Variants in PJA2 observed in about 807,000 individuals in gnomAD.
The protein encoded by PJA2 is praja ring finger ubiquitin ligase 2, also known as E3 ubiquitin-protein ligase Praja-2.
Under a neutral mutation model 69.3 loss-of-function variants are expected in PJA2, and 25 were observed. The observed-to-expected ratio is 0.36, with a 90% CI of 0.26 to 0.50. The LOEUF (loss-of-function observed/expected upper bound fraction) is 0.50, where lower values mean the gene tolerates loss of function less well. Among genes scored for constraint, PJA2 ranks in the 20% least tolerant of loss-of-function variants. The probability of loss-of-function intolerance (pLI) is 0.96; values close to 1 mark genes in which losing one functional copy is unlikely to be tolerated. For synonymous variants in PJA2, 308 were observed against 277.8 expected (o/e 1.11, Z -1.08); for missense variants, 809 against 830.2 (o/e 0.97, Z 0.31).
At chr5:109,340,603 T>A in intron 9 of PJA2, among the ~76,000 whole-genome samples, 1 of 126,964 alleles carries the variant, frequency 7.9e-6, no homozygotes, top group Non-Finnish European at 1.6e-5. Context: ...CAAATATGCT[T>A]AAGATTTATT....
chr5:109,341,567 C>T (rs1442341366), intron 9 of PJA2, among the ~76,000 whole-genome samples: 3 of 142,646 alleles, frequency 2.1e-5, no homozygotes, highest in African/African-American at 7.9e-5. Context: ...GTCAGCCCCC[C>T]GCCCGGCCAG....
Position 109,364,381 on chromosome 5 carries a change from T to G in PJA2, c.1470-1359A>C, listed in dbSNP as rs537066250. 1.3e-4 allele frequency among the ~76,000 whole-genome samples: 20 copies of G among 152,042 alleles called. No homozygotes were observed. In the South Asian group the frequency reaches 4.2e-3, roughly 32 times the overall value. On this transcript the variant is annotated intron_variant, in intron 5 of 9. Coordinates refer to ENST00000361189, the MANE Select transcript of PJA2 (RefSeq NM_014819.5). Reference sequence around the variant, plus strand: ...GCTCACGCCTGTAATCCCAGCACTTTGGGAGGCCGAGGCGGGCGGATCACG... The same window carrying G: ...GCTCACGCCTGTAATCCCAGCACTTGGGGAGGCCGAGGCGGGCGGATCACG...
rs138029855 is a variant in PJA2 at position 109,339,594 on chromosome 5, C to G, written c.2002-2238G>C. Among the ~76,000 whole-genome samples, 1,013 of 152,272 alleles carry G rather than the reference C, an allele frequency of 6.7e-3. 8 individuals are homozygous for G. Among genetic ancestry groups the G allele is most frequent in the Admixed American group, 0.026 (397 of 15,302 alleles). On this transcript the variant is annotated intron_variant, in intron 9 of 9. Coordinates refer to ENST00000361189, the MANE Select transcript of PJA2 (RefSeq NM_014819.5). ...TGGACCTCACAGACTCAGCCATGCT[C>G]GAAAATTTTAAGAGTTGGTGGCTCT...
At chr5:109,339,157 A>G (rs966314792) in intron 9 of PJA2, among the ~76,000 whole-genome samples, 1 of 152,238 alleles carries the variant, frequency 6.6e-6, no homozygotes, top group Admixed American at 6.5e-5. Context: ...GTCAAGATTA[A>G]AACTTCAGAT....
chr5:109,392,734 T>G (rs1747311296), intron 1 of PJA2, among the ~76,000 whole-genome samples: 1 of 152,182 alleles, frequency 6.6e-6, no homozygotes, highest in Non-Finnish European at 1.5e-5. Context: ...AATTGACTTA[T>G]GACAATGCTA....
intron 5 of PJA2, among the ~76,000 whole-genome samples, chr5:109,367,902 G>A (rs1406602812): frequency 6.6e-6 from 1 of 152,148 alleles, no homozygotes; most frequent in African/African-American, 2.4e-5. Flanking sequence ...ATTCTTGCTA[G>A]AAACCCATAA....
Sources: allele counts gnomAD v4.1 joint callset (sites outside exome capture counted in the v4.1 genomes callset), GRCh38; gene constraint gnomAD v4.1.1; transcripts MANE v1.5; gene names NCBI Gene and HGNC (gene_info 2026-07-23, HGNC 2026-07-21).